The following ERBB4 variants were observed in gnomAD, a reference collection of about 807,000 sequenced individuals.
ERBB4 encodes the protein erb-b2 receptor tyrosine kinase 4, also known as receptor tyrosine-protein kinase erbB-4.
A neutral mutation model predicts 158.0 loss-of-function variants in ERBB4; 42 were observed. That is an observed-to-expected ratio of 0.27 (90% CI 0.21 to 0.34). The LOEUF is 0.34. Among genes scored for constraint, ERBB4 ranks in the 10% least tolerant of loss-of-function variants. ERBB4 has a pLI of 1.00. For synonymous variants in ERBB4, 583 were observed against 558.7 expected (o/e 1.04, Z -0.61); for missense variants, 1,333 against 1,624.1 (o/e 0.82, Z 3.08).
intron 1 of ERBB4, among the ~76,000 whole-genome samples, chr2:212,337,001 T>C (rs1394783): frequency 0.25 from 38,509 of 152,046 alleles, 5,181 homozygotes; most frequent in Non-Finnish European, 0.29. Context: ...GTGCATAAAA[T>C]ATTACTGTTG....
chr2:212,475,329 GC>G (rs1689332921), intron 1 of ERBB4, among the ~76,000 whole-genome samples: 1 of 152,038 alleles, frequency 6.6e-6, no homozygotes, highest in South Asian at 2.1e-4. Flanking sequence ...CTTGCACGAG[GC>G]CCTGCAAATT....
intron 2 of ERBB4, among the ~76,000 whole-genome samples, chr2:211,989,019 G>A (rs575659608): frequency 5.3e-5 from 8 of 151,866 alleles, no homozygotes; most frequent in African/African-American, 1.9e-4. Context: ...TTTTTCCAAG[G>A]TTCTTTTTTG....
intron 25 of ERBB4, among the ~76,000 whole-genome samples, chr2:211,419,553 A>T (rs185150093): frequency 3.3e-5 from 5 of 152,250 alleles, no homozygotes; most frequent in Admixed American, 2.0e-4. Context: ...TCAATGGAAG[A>T]AACTGATTAC....
chr2:212,191,796 A>G lies in ERBB4; in HGVS notation c.83-66893T>C, dbSNP rs1035031634. Among the ~76,000 whole-genome samples the G allele has an allele frequency of 5.5e-5, 8 of 145,924 alleles. 1 individual carries two copies. Among genetic ancestry groups the G allele is most frequent in the African/African-American group, 9.9e-5 (4 of 40,350 alleles). On this transcript the variant is annotated intron_variant, in intron 1 of 27. Transcript: ENST00000342788. Reference sequence around the variant, plus strand: ...ATAACACGTGTGTTATATGTTCTATATGTTATATATAATACATGTTATATA... The same window carrying G: ...ATAACACGTGTGTTATATGTTCTATGTGTTATATATAATACATGTTATATA...
At chr2:212,087,456 T>C (rs2078650206) in intron 2 of ERBB4, among the ~76,000 whole-genome samples, 1 of 152,092 alleles carries the variant, frequency 6.6e-6, no homozygotes. Context: ...AGTCTTTGTT[T>C]CCATACCACA....
chr2:211,648,572 T>C (rs1559379772), intron 16 of ERBB4, among the ~76,000 whole-genome samples: 1 of 151,794 alleles, frequency 6.6e-6, no homozygotes, highest in Admixed American at 6.6e-5. Flanking sequence ...TGTTTTGTTC[T>C]GTTTTCTCCT....
Position 212,293,863 on chromosome 2 carries a change from A to C in ERBB4, c.83-168960T>G, listed in dbSNP as rs186091508. On this transcript the variant is annotated intron_variant, in intron 1 of 27. Coordinates refer to ENST00000342788, the MANE Select transcript of ERBB4 (RefSeq NM_005235.3). ...ACTCTGTCTCAAAAAAAAAAACAAA[A>C]AAAAAAAAAACATACATTTGTAAGT... is the stretch of plus-strand genomic sequence containing the variant. Among the ~76,000 whole-genome samples the C allele has an allele frequency of 2.6e-3, 383 of 149,072 alleles. 15 individuals carry two copies. Among genetic ancestry groups the C allele is most frequent in the Admixed American group, 0.012 (182 of 14,908 alleles).
chr2:211,576,493 G>GCTAT lies in ERBB4; in HGVS notation c.2302-14409_2302-14406dup, dbSNP rs149249287. On this transcript the variant is annotated intron_variant, in intron 19 of 27. Coordinates refer to ENST00000342788, the MANE Select transcript of ERBB4 (RefSeq NM_005235.3). Reference sequence around the variant, plus strand: ...GCAACTTCAAACAGTAGTGCAGGGTGCTATCATAGTTATTTTGTTGTATGT... The same window carrying GCTAT: ...GCAACTTCAAACAGTAGTGCAGGGTGCTATCTATCATAGTTATTTTGTTGTATGT... Among the ~76,000 whole-genome samples the GCTAT allele has an allele frequency of 9.4e-3, 1,428 of 152,250 alleles. 17 individuals carry two copies. The highest frequency in any genetic ancestry group is 0.031 in the African/African-American group (1,272 of 41,542).
At chr2:212,140,306 T>C (rs564452506) in intron 1 of ERBB4, among the ~76,000 whole-genome samples, 30 of 149,840 alleles carry the variant, frequency 2.0e-4, no homozygotes, top group African/African-American at 5.3e-4. Flanking sequence ...AACAATAATA[T>C]GTTGCAAATG....
At chr2:212,097,043 G>A (rs2078952584) in intron 2 of ERBB4, among the ~76,000 whole-genome samples, 1 of 152,134 alleles carries the variant, frequency 6.6e-6, no homozygotes, top group Non-Finnish European at 1.5e-5. Context: ...TTTGGACAAA[G>A]CTTAATGAAG....
intron 3 of ERBB4, among the ~76,000 whole-genome samples, chr2:211,854,232 TAGA>T (rs1321859520): frequency 6.6e-6 from 1 of 152,142 alleles, no homozygotes; most frequent in African/African-American, 2.4e-5. Context: ...AGTCCATAGT[TAGA>T]AGGCCTCATT....
At chr2:212,184,199 C>T (rs2081950909) in intron 1 of ERBB4, among the ~76,000 whole-genome samples, 1 of 151,964 alleles carries the variant, frequency 6.6e-6, no homozygotes, top group Non-Finnish European at 1.5e-5. Context: ...GGGGCTAATT[C>T]CCATTTTCAA....
At chr2:211,476,158 A>C (rs2064947799) in intron 20 of ERBB4, among the ~76,000 whole-genome samples, 4 of 152,116 alleles carry the variant, frequency 2.6e-5, no homozygotes, top group Non-Finnish European at 5.9e-5. Flanking sequence ...AAAGTGGGGA[A>C]GGGCATTTTA....
At chr2:212,064,981 T>C (rs2077893991) in intron 2 of ERBB4, among the ~76,000 whole-genome samples, 1 of 143,706 alleles carries the variant, frequency 7.0e-6, no homozygotes, top group Non-Finnish European at 1.5e-5. Context: ...CATAACAACA[T>C]CTTTATGGTG....
chr2:211,747,882 C>T (rs918373076), intron 5 of ERBB4, among the ~76,000 whole-genome samples: 1 of 151,554 alleles, frequency 6.6e-6, no homozygotes, highest in African/African-American at 2.4e-5. Context: ...TTCCAGGACC[C>T]CCATAAATAC....
chr2:211,405,784 A>G (rs887792122), intron 25 of ERBB4, among the ~76,000 whole-genome samples: 2 of 152,174 alleles, frequency 1.3e-5, no homozygotes, highest in African/African-American at 4.8e-5. Context: ...ATTATGAGTT[A>G]ACTTCACTCG....
At chr2:212,311,283 A>G (rs1357403955) in intron 1 of ERBB4, among the ~76,000 whole-genome samples, 1 of 150,948 alleles carries the variant, frequency 6.6e-6, no homozygotes, top group Admixed American at 6.6e-5. Context: ...ATAGGAAAAT[A>G]GAGAAAAATA....
At chr2:212,317,512 G>T (rs1262115609) in intron 1 of ERBB4, among the ~76,000 whole-genome samples, 1 of 151,456 alleles carries the variant, frequency 6.6e-6, no homozygotes, top group Non-Finnish European at 1.5e-5. Flanking sequence ...ACCACCTCAG[G>T]TGATTTTTAA....
intron 1 of ERBB4, among the ~76,000 whole-genome samples, chr2:212,379,373 A>C (rs528173628): frequency 6.6e-6 from 1 of 151,746 alleles, no homozygotes; most frequent in Admixed American, 6.6e-5. Context: ...TGTGAAGTTT[A>C]GAACAGCTCC....
Sources: gnomAD v4.1 joint callset for allele counts (sites outside exome capture counted in the v4.1 genomes callset) on GRCh38, gnomAD v4.1.1 for gene constraint, MANE v1.5 for transcripts, NCBI Gene and HGNC (gene_info 2026-07-23, HGNC 2026-07-21) for gene names.